SHPRH: variants seen among roughly 807,000 people sequenced by gnomAD.
The protein encoded by SHPRH is E3 ubiquitin-protein ligase SHPRH.
SHPRH carries 106 observed loss-of-function variants against 202.5 expected under a neutral mutation model. That is an observed-to-expected ratio of 0.52 (90% CI 0.45 to 0.62). SHPRH has a LOEUF of 0.62. SHPRH is among the 20% of genes least tolerant of loss of function. SHPRH has a pLI of 0.00. For missense variants in SHPRH, 1,710 were observed against 2,020.0 expected, an observed-to-expected ratio of 0.85 and a Z score of 2.94; for synonymous variants, 729 against 686.0, an observed-to-expected ratio of 1.06 and a Z score of -0.98.
Position 145,943,275 on chromosome 6 carries a change from G to A in SHPRH, c.2106C>T (p.Tyr702=), listed in dbSNP as rs748984048. The change falls in exon 9 of 30, where the codon TAC becomes TAT. Residue 702 remains tyrosine, a synonymous_variant. Coordinates refer to ENST00000275233, the MANE Select transcript of SHPRH (RefSeq NM_001042683.3). ...DEKNLKIKPF[Y]CPHCLVAMEP... ...CCATTGCAACAAGGCAGTGGGGGCA[G>A]TAAAAAGGCTTGATCTTCAGATTTT... The A allele has an allele frequency of 1.2e-6, 2 of 1,613,766 alleles. No individual in the cohort carries two copies. The highest frequency in any genetic ancestry group is 1.7e-6 in the Non-Finnish European group (2 of 1,179,902).
chr6:145,894,045 T>C, intron 27 of SHPRH, 105 bp downstream of exon 27: 1 of 690,748 alleles, frequency 1.4e-6, no homozygotes, highest in Non-Finnish European at 2.2e-6. Flanking sequence ...ACCCTGTTTA[T>C]GTGGCTTATA....
chr6:145,897,413 A>C (rs1208299099), intron 25 of SHPRH, among the ~76,000 whole-genome samples: 1 of 152,110 alleles, frequency 6.6e-6, no homozygotes, highest in Non-Finnish European at 1.5e-5. Flanking sequence ...CCCCTCAAAG[A>C]AAAGCATAGG....
At chr6:145,864,939 ACACT>A (rs755976319) in intron 2 of SHPRH, among the ~76,000 whole-genome samples, 4,820 of 102,364 alleles carry the variant, frequency 0.047, 121 homozygotes, top group South Asian at 0.11. Flanking sequence ...ATAAACACAC[ACACT>A]CACACACACA....
intron 25 of SHPRH, chr6:145,903,765 T>C (rs1425630076): frequency 6.6e-6 from 1 of 152,084 alleles, no homozygotes; most frequent in Admixed American, 6.6e-5. Flanking sequence ...GGGTTTCCAC[T>C]GGCAAAATGC....
chr6:145,906,008 C>A (rs1487735707), intron 25 of SHPRH: 2 of 152,046 alleles, frequency 1.3e-5, no homozygotes, highest in South Asian at 2.1e-4. Flanking sequence ...CACTTCCCTG[C>A]TTTAATTAGA....
intron 23 of SHPRH, among the ~76,000 whole-genome samples, chr6:145,915,119 AAATAT>A (rs1243818109): frequency 6.1e-5 from 9 of 147,532 alleles, no homozygotes; most frequent in East Asian, 1.9e-4. Context: ...ATTTATAATA[AAATAT>A]AATTATAAAT....
At chr6:145,893,617 T>G (rs55954737) in intron 27 of SHPRH, among the ~76,000 whole-genome samples, 3,174 of 152,248 alleles carry the variant, frequency 0.021, 48 homozygotes, top group Admixed American at 0.032. Flanking sequence ...TCGTAATATC[T>G]AGAGGAATCA....
At chr6:145,894,514 GTTAC>G (rs780155478) in intron 26 of SHPRH, among the ~76,000 whole-genome samples, 31 of 150,708 alleles carry the variant, frequency 2.1e-4, no homozygotes, top group Non-Finnish European at 4.0e-4. Flanking sequence ...CTGGAATATA[GTTAC>G]TTAGTTTTCG....
intron 25 of SHPRH, among the ~76,000 whole-genome samples, 178 bp from the exon 26 acceptor site, chr6:145,895,155 C>T (rs1391913376): frequency 6.6e-6 from 1 of 151,952 alleles, no homozygotes; most frequent in African/African-American, 2.4e-5. Flanking sequence ...TCTTTAGCCT[C>T]GAAATGTAGA....
intron 2 of SHPRH, chr6:145,871,396 C>A (rs1011605484): frequency 1.3e-5 from 2 of 152,060 alleles, no homozygotes; most frequent in Non-Finnish European, 1.5e-5. Flanking sequence ...TTGCTATACA[C>A]CAACAACAGG....
At chr6:145,927,971 T>A (rs1280924407) in intron 14 of SHPRH, among the ~76,000 whole-genome samples, 1 of 151,928 alleles carries the variant, frequency 6.6e-6, no homozygotes, top group Non-Finnish European at 1.5e-5. Context: ...GGCCCATGGG[T>A]CATTTCTACC....
At chr6:145,884,302 T>C (rs1437942306), downstream of SHPRH, 1 of 152,224 alleles carries the variant, frequency 6.6e-6, no homozygotes, top group Non-Finnish European at 1.5e-5. Context: ...AATGTGACGC[T>C]GCAATAAACA....
downstream of SHPRH, among the ~76,000 whole-genome samples, chr6:145,861,495 G>C (rs1392067883): frequency 6.6e-6 from 1 of 151,068 alleles, no homozygotes; most frequent in Non-Finnish European, 1.5e-5. Flanking sequence ...CACTGTTGGT[G>C]GGAATGTAAA....
chr6:145,956,773 C>T (rs1334576257), intron 1 of SHPRH, among the ~76,000 whole-genome samples: 4 of 152,006 alleles, frequency 2.6e-5, no homozygotes, highest in Admixed American at 2.6e-4. Context: ...GAGATCTATA[C>T]AGTGTACTAT....
At chr6:145,958,272 C>A (rs189389506) in intron 1 of SHPRH, among the ~76,000 whole-genome samples, 1 of 152,124 alleles carries the variant, frequency 6.6e-6, no homozygotes, top group African/African-American at 2.4e-5. Context: ...AAATTATATA[C>A]TTTAAATTGA....
chr6:145,882,231 C>T (rs572922105), downstream of SHPRH, among the ~76,000 whole-genome samples: 5 of 152,186 alleles, frequency 3.3e-5, no homozygotes, highest in East Asian at 5.8e-4. Context: ...ACTGCATAAA[C>T]GAGATGACTG....
chr6:145,957,274 A>G (rs1788599355), intron 1 of SHPRH, among the ~76,000 whole-genome samples: 1 of 152,128 alleles, frequency 6.6e-6, no homozygotes, highest in Non-Finnish European at 1.5e-5. Flanking sequence ...GAAAACCTAA[A>G]TGACATTGGA....
In SHPRH at chr6:145,876,041, A is replaced by G. The variant is rs182867353; in HGVS notation, c.222-11550T>C. 2.0e-5 allele frequency among the ~76,000 whole-genome samples: 3 copies of G among 152,228 alleles called. No individual in the cohort carries two copies. The East Asian group carries it at 5.8e-4, about 29-fold the overall frequency. On this transcript the variant is annotated intron_variant, in intron 2 of 2. Coordinates refer to the SHPRH transcript ENST00000417762. Reference sequence around the variant, plus strand: ...CACACACCATGAAATTCAGCCATTTAAAGTGTACAAGTCAGTGGTTTTTAG... The same window carrying G: ...CACACACCATGAAATTCAGCCATTTGAAGTGTACAAGTCAGTGGTTTTTAG...
At chr6:145,951,806 G>T (rs1459868508) in intron 3 of SHPRH, 1 of 455,984 alleles carries the variant, frequency 2.2e-6, no homozygotes, top group Non-Finnish European at 4.4e-6. Context: ...GCAGAACTTG[G>T]AGAATTTGGG....
Sources: allele counts gnomAD v4.1 joint callset (sites outside exome capture counted in the v4.1 genomes callset), GRCh38; gene constraint gnomAD v4.1.1; transcripts MANE v1.5; gene names NCBI Gene and HGNC (gene_info 2026-07-23, HGNC 2026-07-21).